The following HCRTR2 variants were observed in gnomAD, a reference collection of about 807,000 sequenced individuals.
HCRTR2 encodes the protein hypocretin receptor 2.
In HCRTR2, 22 loss-of-function variants were observed where a neutral mutation model predicts 49.0. That is an observed-to-expected ratio of 0.45 (90% CI 0.32 to 0.64). The LOEUF (loss-of-function observed/expected upper bound fraction) is 0.64, where lower values mean the gene tolerates loss of function less well. Among genes scored for constraint, HCRTR2 ranks in the 30% least tolerant of loss-of-function variants. HCRTR2 has a pLI of 0.04. For missense variants in HCRTR2, 491 were observed against 559.4 expected, an observed-to-expected ratio of 0.88 and a Z score of 1.23; for synonymous variants, 236 against 205.3, an observed-to-expected ratio of 1.15 and a Z score of -1.28.
chr6:55,179,926 T>G (rs955950664), intron 1 of HCRTR2, among the ~76,000 whole-genome samples: 2 of 152,204 alleles, frequency 1.3e-5, no homozygotes, highest in Admixed American at 1.3e-4. Flanking sequence ...AAGAAGATCC[T>G]TCCATGTTTC....
chr6:55,205,959 A>G (rs950357717), intron 1 of HCRTR2, among the ~76,000 whole-genome samples: 1 of 152,120 alleles, frequency 6.6e-6, no homozygotes, highest in Non-Finnish European at 1.5e-5. Flanking sequence ...ATAAATATAT[A>G]CATCTACTAT....
At chr6:55,125,459 G>C (rs1764260591) in intron 1 of HCRTR2, among the ~76,000 whole-genome samples, 1 of 152,192 alleles carries the variant, frequency 6.6e-6, no homozygotes, top group African/African-American at 2.4e-5. Context: ...CTTCTGGCTT[G>C]TAGGGTTTCT....
intron 1 of HCRTR2, among the ~76,000 whole-genome samples, chr6:55,133,756 T>C (rs9349757): frequency 0.02 from 3,035 of 151,968 alleles, 41 homozygotes; most frequent in East Asian, 0.057. Flanking sequence ...AGCTCAAACA[T>C]AGCTTTTTAT....
chr6:55,251,807 G>A (rs1766556033), intron 2 of HCRTR2, among the ~76,000 whole-genome samples: 1 of 151,876 alleles, frequency 6.6e-6, no homozygotes, highest in African/African-American at 2.4e-5. Context: ...TGTGCGAAGG[G>A]TGCCCATAGT....
chr6:55,160,982 C>A (rs373776610), intron 1 of HCRTR2, among the ~76,000 whole-genome samples: 27 of 152,078 alleles, frequency 1.8e-4, no homozygotes, highest in Non-Finnish European at 3.4e-4. Flanking sequence ...ACCAAGCAGG[C>A]CTAATAGACA....
At chr6:55,143,793 G>C (rs1764541792) in intron 1 of HCRTR2, among the ~76,000 whole-genome samples, 1 of 152,192 alleles carries the variant, frequency 6.6e-6, no homozygotes, top group Admixed American at 6.5e-5. Flanking sequence ...GATCACTTAT[G>C]TACTGTGGGT....
rs1236219526 is a variant in HCRTR2, at chr6:55,163,261, A to AC, written c.-377-10950_-377-10949insC. 2.9e-3 allele frequency among the ~76,000 whole-genome samples: 388 copies of AC among 134,600 alleles called. 1 individual carries two copies. The highest frequency in any genetic ancestry group is 1.0e-2 in the African/African-American group (363 of 36,318). 88.3% of individuals were successfully genotyped at this position (134,600 alleles called of 152,430 possible). A position where few individuals can be genotyped will look rare whatever the true frequency, so the allele number is the denominator to read the frequency against. ...CAAAAAACAAACAAACAAACAACAA[A>AC]AAAAAAAAAACTACCTTAAATTTCT... is the stretch of plus-strand genomic sequence containing the variant. On this transcript the variant is annotated intron_variant, in intron 1 of 7. Transcript: ENST00000615358.
At chr6:55,139,074 CACAA>C (rs1367593670) in intron 1 of HCRTR2, among the ~76,000 whole-genome samples, 2 of 152,080 alleles carry the variant, frequency 1.3e-5, no homozygotes, top group Non-Finnish European at 2.9e-5. Flanking sequence ...AAGTTTCAGG[CACAA>C]ACATAGAAAC....
At chr6:55,191,895 A>G (rs1028534879) in intron 1 of HCRTR2, among the ~76,000 whole-genome samples, 1 of 152,170 alleles carries the variant, frequency 6.6e-6, no homozygotes, top group African/African-American at 2.4e-5. Context: ...TCTTCAATAT[A>G]TTGGAGTTTG....
rs139714872 is a variant in HCRTR2 at position 55,112,431 on chromosome 6, A to G, written c.-378+5886A>G. ...TCTTAAAAGCTGCTAGAGCTGATCA[A>G]TGAATTCAGTAAAGTTTCAGGATAC... On this transcript the variant is annotated intron_variant, in intron 1 of 7. Coordinates refer to the HCRTR2 transcript ENST00000615358. 3.4e-4 allele frequency among the ~76,000 whole-genome samples: 52 copies of G among 151,940 alleles called. No individual in the cohort carries two copies. In the East Asian group the frequency reaches 9.9e-3, roughly 29 times the overall value.
intron 1 of HCRTR2, among the ~76,000 whole-genome samples, chr6:55,180,780 T>A (rs1561997734): frequency 6.6e-6 from 1 of 152,110 alleles, no homozygotes; most frequent in Non-Finnish European, 1.5e-5. Flanking sequence ...GCTATTGATT[T>A]TATTAAATAG....
chr6:55,125,749 C>T (rs1455731473), intron 1 of HCRTR2, among the ~76,000 whole-genome samples: 3 of 152,250 alleles, frequency 2.0e-5, no homozygotes, highest in East Asian at 1.9e-4. Context: ...TTCATGTACA[C>T]CAATAGAACG....
intron 1 of HCRTR2, among the ~76,000 whole-genome samples, chr6:55,200,765 T>C (rs561849236): frequency 1.3e-5 from 2 of 152,362 alleles, no homozygotes; most frequent in South Asian, 4.1e-4. Flanking sequence ...ATATTTTCTA[T>C]ATTATTGTAT....
At chr6:55,208,319 T>TAAAAATA (rs1562007245) in intron 1 of HCRTR2, among the ~76,000 whole-genome samples, 2 of 126,750 alleles carry the variant, frequency 1.6e-5, no homozygotes, top group East Asian at 2.5e-4. Context: ...CTACGAAAAA[T>TAAAAATA]AAAAAAATAA....
chr6:55,116,556 A>G (rs1296628495), intron 1 of HCRTR2, among the ~76,000 whole-genome samples: 1 of 151,490 alleles, frequency 6.6e-6, no homozygotes, highest in Non-Finnish European at 1.5e-5. Flanking sequence ...AGAATCACCA[A>G]TTTGTGGTTA....
At chr6:55,120,470 A>G (rs937784514) in intron 1 of HCRTR2, among the ~76,000 whole-genome samples, 1 of 152,004 alleles carries the variant, frequency 6.6e-6, no homozygotes, top group African/African-American at 2.4e-5. Flanking sequence ...GAAGTCCTTC[A>G]CATCCCTTGT....
At chr6:55,172,186 A>C (rs559433672), upstream of HCRTR2, among the ~76,000 whole-genome samples, 3 of 152,310 alleles carry the variant, frequency 2.0e-5, no homozygotes, top group African/African-American at 7.2e-5. Flanking sequence ...TTAAACTTCA[A>C]ATTAACAGAA....
rs769781293 is a variant in HCRTR2, at chr6:55,277,479, G to T, written c.862G>T (p.Ala288Ser). The change falls in exon 5 of 7, where the codon GCT (alanine) becomes TCT (serine). Residue 288 changes from alanine (A) to serine (S), a missense_variant. Transcript: ENST00000370862. ...PGQPTKSRMS[A>S]VAAEIKQIRA... ...ACAGCCAACGAAGTCCCGGATGAGC[G>T]CTGTGGCGGCTGAAATAAAGCAGAT... is the stretch of plus-strand genomic sequence containing the variant. 21 of 1,613,928 alleles carry T rather than the reference G, an allele frequency of 1.3e-5. No individual in the cohort carries two copies. The South Asian group carries it at 2.2e-4, about 17-fold the overall frequency.
chr6:55,202,251 A>G (rs1009009667), intron 1 of HCRTR2, among the ~76,000 whole-genome samples: 2 of 152,028 alleles, frequency 1.3e-5, no homozygotes, highest in Admixed American at 6.6e-5. Context: ...GGCTGCATAT[A>G]TTTGTTTTGT....
Sources: allele counts gnomAD v4.1 joint callset (sites outside exome capture counted in the v4.1 genomes callset), GRCh38; gene constraint gnomAD v4.1.1; transcripts MANE v1.5; gene names NCBI Gene and HGNC (gene_info 2026-07-23, HGNC 2026-07-21).